VAPB: variants seen among roughly 807,000 people sequenced by gnomAD.
The protein encoded by VAPB is vesicle-associated membrane protein-associated protein B/C.
In VAPB, 7 loss-of-function variants were observed where a neutral mutation model predicts 25.6. The observed-to-expected ratio is 0.27, with a 90% CI of 0.16 to 0.51. The LOEUF is 0.51. Among genes scored for constraint, VAPB ranks in the 20% least tolerant of loss-of-function variants. VAPB has a pLI of 0.97. For synonymous variants in VAPB, 112 were observed against 109.2 expected, an observed-to-expected ratio of 1.03 and a Z score of -0.16; for missense variants, 266 against 301.3, an observed-to-expected ratio of 0.88 and a Z score of 0.87.
chr20:58,430,667 G>A (rs117704092), intron 2 of VAPB, among the ~76,000 whole-genome samples: 8,619 of 151,328 alleles, frequency 0.057, 387 homozygotes, highest in Non-Finnish European at 0.085. Flanking sequence ...TCTCCACCTC[G>A]CAGGTTTAAG....
intron 2 of VAPB, among the ~76,000 whole-genome samples, chr20:58,421,794 A>G (rs1988675440): frequency 1.3e-5 from 2 of 152,188 alleles, no homozygotes; most frequent in Non-Finnish European, 2.9e-5. Context: ...TGTGCTGGCC[A>G]GAGGGATCAA....
Position 58,444,782 on chromosome 20 carries a change from A to G in VAPB, c.*547A>G, listed in dbSNP as rs1320899063. The G allele has an allele frequency of 4.4e-6, 2 of 454,454 alleles. No homozygotes were observed. Among genetic ancestry groups the G allele is most frequent in the Admixed American group, 4.7e-5 (2 of 42,566 alleles). 28.2% of individuals were successfully genotyped at this position (454,454 alleles called of 1,614,324 possible). A position where few individuals can be genotyped will look rare whatever the true frequency, so the allele number is the denominator to read the frequency against. ...AAGCCCAAAGGAATTGCACTGTGGC[A>G]GCATCAGACGTACTCGTCATAAGTG... On this transcript the variant is annotated 3_prime_UTR_variant, in exon 6 of 6. Coordinates refer to ENST00000475243, the MANE Select transcript of VAPB (RefSeq NM_004738.5).
chr20:58,412,418 A>C (rs1212618961), intron 1 of VAPB, among the ~76,000 whole-genome samples: 2 of 151,962 alleles, frequency 1.3e-5, no homozygotes, highest in African/African-American at 4.8e-5. Flanking sequence ...TGTCTCTATT[A>C]AAAATACAAA....
In VAPB at chr20:58,450,322, A is replaced by G. The variant is rs1429161682; in HGVS notation, c.*6087A>G. ...AACTACTTTTTGCTTTTCATCATTC[A>G]CTCCTTAGCAAACGTTTCGTAAGTA... On this transcript the variant is annotated 3_prime_UTR_variant, in exon 6 of 6. Transcript: ENST00000475243. 8 of 453,368 alleles carry G rather than the reference A, an allele frequency of 1.8e-5. No individual in the cohort carries two copies. The highest frequency in any genetic ancestry group is 3.5e-5 in the Non-Finnish European group (8 of 226,652). The allele number at this position is 453,368 out of a possible 1,614,324, so 28.1% of individuals were successfully genotyped here.
chr20:58,417,017 G>C lies in VAPB; in HGVS notation c.59-1194G>C, dbSNP rs141922760. Among the ~76,000 whole-genome samples, 11 of 152,260 alleles carry C rather than the reference G, an allele frequency of 7.2e-5. No individual in the cohort carries two copies. In the East Asian group the frequency reaches 1.9e-3, roughly 27 times the overall value. On this transcript the variant is annotated intron_variant, in intron 1 of 5. Transcript: ENST00000475243. ...AATGATTTTGTTGAGTCAACATTACGTATTTGTTTGTGAACACATAAGCGC... is the reference window on the plus strand; with the variant it reads ...AATGATTTTGTTGAGTCAACATTACCTATTTGTTTGTGAACACATAAGCGC...
intron 2 of VAPB, among the ~76,000 whole-genome samples, chr20:58,424,336 G>A (rs927345488): frequency 2.0e-5 from 3 of 152,064 alleles, no homozygotes; most frequent in Admixed American, 6.5e-5. Context: ...AGGTGGCCAC[G>A]TTGAAAGCGG....
rs373916296 is a variant in VAPB, at chr20:58,399,980, A to G, written c.58+10463A>G. 2.0e-5 allele frequency among the ~76,000 whole-genome samples: 3 copies of G among 152,164 alleles called. No homozygotes were observed. The East Asian group carries it at 5.8e-4, about 29-fold the overall frequency. On this transcript the variant is annotated intron_variant, in intron 1 of 5. Transcript: ENST00000475243. ...AGTTCCATCACTCAGCATTTACAAT[A>G]TAGTAGAAAAATGGAAGAAATGGAA...
intron 1 of VAPB, among the ~76,000 whole-genome samples, chr20:58,390,731 T>G (rs924408271): frequency 2.6e-5 from 4 of 152,184 alleles, no homozygotes; most frequent in Admixed American, 6.5e-5. Flanking sequence ...GGCCAGAGGC[T>G]CTCCAGTTTA....
intron 1 of VAPB, among the ~76,000 whole-genome samples, chr20:58,396,883 G>A (rs946823443): frequency 2.0e-5 from 3 of 151,828 alleles, no homozygotes; most frequent in African/African-American, 4.9e-5. Context: ...TCAGTGGCTA[G>A]GTAACTTTCT....
At chr20:58,418,647 CT>C (rs1373382718) in intron 2 of VAPB, among the ~76,000 whole-genome samples, 1 of 152,154 alleles carries the variant, frequency 6.6e-6, no homozygotes, top group African/African-American at 2.4e-5. Context: ...TTAGACTTTA[CT>C]TCAGAATGAG....
intron 3 of VAPB, among the ~76,000 whole-genome samples, chr20:58,436,373 A>G (rs1989046099): frequency 8.1e-6 from 1 of 124,178 alleles, no homozygotes; most frequent in African/African-American, 3.1e-5. Context: ...TTACTGTGTC[A>G]CCTAGGCTGG....
chr20:58,402,556 C>G (rs1988123763), intron 1 of VAPB, among the ~76,000 whole-genome samples: 1 of 146,948 alleles, frequency 6.8e-6, no homozygotes, highest in Non-Finnish European at 1.5e-5. Flanking sequence ...AGCAAGCCCC[C>G]CCACCCTTTT....
At chr20:58,426,278 G>T (rs1458169038) in intron 2 of VAPB, among the ~76,000 whole-genome samples, 1 of 152,110 alleles carries the variant, frequency 6.6e-6, no homozygotes, top group Non-Finnish European at 1.5e-5. Context: ...GCTCACTGTA[G>T]CCTCAAATTT....
chr20:58,393,559 C>A (rs1456379873), intron 1 of VAPB, among the ~76,000 whole-genome samples: 1 of 152,142 alleles, frequency 6.6e-6, no homozygotes, highest in African/African-American at 2.4e-5. Flanking sequence ...TCTCCCTCCC[C>A]TTCCATGAGA....
At chr20:58,441,516 C>T (rs1989162304) in intron 5 of VAPB, among the ~76,000 whole-genome samples, 1 of 152,128 alleles carries the variant, frequency 6.6e-6, no homozygotes, top group Admixed American at 6.5e-5. Context: ...GTGGCAGGTG[C>T]CTGTAATTCC....
chr20:58,449,885 C>T lies in VAPB; in HGVS notation c.*5650C>T, dbSNP rs944056795. ...GCAGGTGGAGCTGCTGTCAGAGCTT[C>T]GTTTCACTGATACCCAAAGCCATGT... On this transcript the variant is annotated 3_prime_UTR_variant, in exon 6 of 6. Coordinates refer to ENST00000475243, the MANE Select transcript of VAPB (RefSeq NM_004738.5). 4.4e-6 allele frequency: 2 copies of T among 453,966 alleles called. No homozygotes were observed. The highest frequency in any genetic ancestry group is 8.8e-6 in the Non-Finnish European group (2 of 226,790). 28.1% of individuals were successfully genotyped at this position (453,966 alleles called of 1,614,324 possible).
At chr20:58,432,880 T>C (rs538229103) in intron 2 of VAPB, among the ~76,000 whole-genome samples, 52 of 152,256 alleles carry the variant, frequency 3.4e-4, no homozygotes, top group African/African-American at 1.2e-3. Context: ...GAAAGAGTTA[T>C]GTTGATAAAA....
At chr20:58,428,691 G>A (rs1988861921) in intron 2 of VAPB, among the ~76,000 whole-genome samples, 1 of 152,154 alleles carries the variant, frequency 6.6e-6, no homozygotes, top group Non-Finnish European at 1.5e-5. Flanking sequence ...ATGGTAAAAA[G>A]TACATAATTT....
chr20:58,430,867 C>T (rs1328804283), intron 2 of VAPB, among the ~76,000 whole-genome samples: 7 of 152,316 alleles, frequency 4.6e-5, no homozygotes, highest in Admixed American at 6.5e-5. Flanking sequence ...TGAGCCACTG[C>T]GCCCTGCTGC....
Sources: gnomAD v4.1 joint callset for allele counts (sites outside exome capture counted in the v4.1 genomes callset) on GRCh38, gnomAD v4.1.1 for gene constraint, MANE v1.5 for transcripts, NCBI Gene and HGNC (gene_info 2026-07-23, HGNC 2026-07-21) for gene names.